The following DHRSX variants were observed in gnomAD, a reference collection of about 807,000 sequenced individuals.
The protein encoded by DHRSX is polyprenol dehydrogenase.
In DHRSX, 31 loss-of-function variants were observed where a neutral mutation model predicts 34.0. The ratio of observed to expected loss-of-function variants is 0.91; its 90% CI spans 0.69 to 1.23. The LOEUF (loss-of-function observed/expected upper bound fraction) is 1.23, where lower values mean the gene tolerates loss of function less well. DHRSX is among the 50% of genes most tolerant of loss of function. The probability of loss-of-function intolerance (pLI) is 0.00; values close to 1 mark genes in which losing one functional copy is unlikely to be tolerated. For synonymous variants in DHRSX, 201 were observed against 183.8 expected, an observed-to-expected ratio of 1.09 and a Z score of -0.76; for missense variants, 414 against 428.1, an observed-to-expected ratio of 0.97 and a Z score of 0.29.
At chrX:2,299,223 C>T (rs994346980) in intron 3 of DHRSX, among the ~76,000 whole-genome samples, 3 of 152,104 alleles carry the variant, frequency 2.0e-5, no homozygotes, top group African/African-American at 7.2e-5. Flanking sequence ...ATAAGATGTG[C>T]TTTTCACAGT....
intron 2 of DHRSX, among the ~76,000 whole-genome samples, chrX:2,412,196 TG>T (rs781175195): frequency 2.0e-5 from 3 of 151,922 alleles, no homozygotes; most frequent in Non-Finnish European, 4.4e-5. Flanking sequence ...CCTTTGTATT[TG>T]GGGGGGCAGG....
At chrX:2,382,938 A>C (rs2043228826) in intron 3 of DHRSX, among the ~76,000 whole-genome samples, 1 of 151,016 alleles carries the variant, frequency 6.6e-6, no homozygotes, top group Admixed American at 6.6e-5. Flanking sequence ...GACCATCATC[A>C]CCATCATTAT....
intron 3 of DHRSX, among the ~76,000 whole-genome samples, chrX:2,335,119 A>G (rs1476689929): frequency 2.7e-5 from 4 of 149,424 alleles, no homozygotes; most frequent in Admixed American, 2.0e-4. Context: ...AGGGAGGTGG[A>G]GGTTGCAGTG....
At chrX:2,233,337 G>A (rs981067299) in intron 6 of DHRSX, among the ~76,000 whole-genome samples, 4 of 150,666 alleles carry the variant, frequency 2.7e-5, no homozygotes, top group Admixed American at 6.7e-5. Flanking sequence ...CATGCTCCCT[G>A]TGGCTTAAAT....
intron 2 of DHRSX, among the ~76,000 whole-genome samples, chrX:2,422,053 TGGGC>T (rs1046863551): frequency 6.6e-6 from 1 of 152,150 alleles, no homozygotes; most frequent in African/African-American, 2.4e-5. Context: ...TTGAGCCTTT[TGGGC>T]TATCGCAAAG....
At chrX:2,264,636 T>C (rs1348227899) in intron 5 of DHRSX, among the ~76,000 whole-genome samples, 8 of 116,888 alleles carry the variant, frequency 6.8e-5, no homozygotes, top group Admixed American at 1.7e-4. Context: ...GCAGGGAGCA[T>C]CGTGCCCAGA....
At chrX:2,461,067 T>C (rs1426839760) in intron 1 of DHRSX, among the ~76,000 whole-genome samples, 7 of 152,216 alleles carry the variant, frequency 4.6e-5, no homozygotes, top group South Asian at 4.2e-4. Context: ...TTGCAGTTTT[T>C]CCCCCAAGAA....
chrX:2,331,436 G>GTGTTT (rs2042471921), intron 3 of DHRSX, among the ~76,000 whole-genome samples: 1 of 94,658 alleles, frequency 1.1e-5, no homozygotes, highest in Non-Finnish European at 2.2e-5. Context: ...AGGTTTTTTG[G>GTGTTT]TTTTTTTTTT....
chrX:2,219,566 G>A lies in DHRSX; in HGVS notation c.*1475C>T, dbSNP rs1330137077. ...ATTTTCATTTAAGTTGCTTATCAGG[G>A]CAACCTTCCCCATCTGGGAACAATC... On this transcript the variant is annotated 3_prime_UTR_variant, in exon 7 of 7. Coordinates refer to ENST00000334651, the MANE Select transcript of DHRSX (RefSeq NM_145177.3). 3 of 152,036 alleles carry A rather than the reference G, an allele frequency of 2.0e-5. No individual in the cohort carries two copies. Among genetic ancestry groups the A allele is most frequent in the African/African-American group, 7.2e-5 (3 of 41,384 alleles). The allele number at this position is 152,036 out of a possible 1,614,324, so 9.4% of individuals were successfully genotyped here.
intron 1 of DHRSX, among the ~76,000 whole-genome samples, chrX:2,478,226 G>T (rs6567574): frequency 6.6e-5 from 10 of 151,988 alleles, no homozygotes; most frequent in African/African-American, 1.9e-4. Context: ...GGGATGGCGA[G>T]GTGCAGAGAG....
intron 4 of DHRSX, among the ~76,000 whole-genome samples, chrX:2,272,201 T>G (rs1439053890): frequency 6.6e-6 from 1 of 152,072 alleles, no homozygotes; most frequent in East Asian, 1.9e-4. Flanking sequence ...ACGGGAAGCT[T>G]TGCATTTTGA....
chrX:2,274,459 C>G (rs984013614), intron 4 of DHRSX, among the ~76,000 whole-genome samples: 3 of 151,816 alleles, frequency 2.0e-5, no homozygotes, highest in Non-Finnish European at 2.9e-5. Flanking sequence ...CTCTGTTGCC[C>G]AGGCTGGATT....
At chrX:2,371,322 TTACTATAGTCCCTC>T in intron 3 of DHRSX, among the ~76,000 whole-genome samples, 1 of 145,246 alleles carries the variant, frequency 6.9e-6, no homozygotes, top group Non-Finnish European at 1.5e-5. Context: ...CCTCCTCCCG[TTACTATAGTCCCTC>T]CTTCCGTTAC....
intron 1 of DHRSX, chrX:2,490,703 A>C: frequency 6.2e-7 from 1 of 1,613,536 alleles, no homozygotes; most frequent in Non-Finnish European, 8.5e-7. Context: ...GGAGCTCTCC[A>C]GGCTTTTATT....
chrX:2,431,048 G>A (rs754400808), intron 1 of DHRSX, among the ~76,000 whole-genome samples: 21 of 141,864 alleles, frequency 1.5e-4, no homozygotes, highest in East Asian at 4.4e-4. Context: ...AAAGACGGCC[G>A]GGCACGGTGG....
intron 6 of DHRSX, among the ~76,000 whole-genome samples, chrX:2,224,437 C>T (rs2015589908): frequency 6.6e-6 from 1 of 151,792 alleles, no homozygotes; most frequent in African/African-American, 2.4e-5. Context: ...AATTGCGACA[C>T]AAGTACTACC....
At position 2,295,132 on chromosome X, in the gene DHRSX, T is replaced by C. The variant is rs188107905; in HGVS notation, c.287-3529A>G. Among the ~76,000 whole-genome samples the C allele has an allele frequency of 1.6e-3, 240 of 152,290 alleles. 1 individual carries two copies. Among genetic ancestry groups the C allele is most frequent in the African/African-American group, 5.5e-3 (228 of 41,578 alleles). Reference sequence around the variant, plus strand: ...ATAAAGACACATGCACACATACGTTTATTGCGGAACTATTAACAATAGCAA... The same window carrying C: ...ATAAAGACACATGCACACATACGTTCATTGCGGAACTATTAACAATAGCAA... On this transcript the variant is annotated intron_variant, in intron 3 of 6. Coordinates refer to ENST00000334651, the MANE Select transcript of DHRSX (RefSeq NM_145177.3).
At chrX:2,306,003 G>C (rs762101301) in intron 3 of DHRSX, among the ~76,000 whole-genome samples, 10 of 104,332 alleles carry the variant, frequency 9.6e-5, no homozygotes, top group African/African-American at 3.9e-4. Context: ...AAAAAGAATA[G>C]CTAACTCATG....
intron 6 of DHRSX, among the ~76,000 whole-genome samples, chrX:2,235,482 C>T (rs2015990483): frequency 6.6e-6 from 1 of 151,858 alleles, no homozygotes; most frequent in Admixed American, 6.6e-5. Context: ...CGGTGGCTCA[C>T]ACCTGTCATC....
Sources: gnomAD v4.1 joint callset for allele counts (sites outside exome capture counted in the v4.1 genomes callset) on GRCh38, gnomAD v4.1.1 for gene constraint, MANE v1.5 for transcripts, NCBI Gene and HGNC (gene_info 2026-07-23, HGNC 2026-07-21) for gene names.